The following NMNAT2 variants were observed in gnomAD, a reference collection of about 807,000 sequenced individuals.
NMNAT2 encodes the protein nicotinamide/nicotinic acid mononucleotide adenylyltransferase 2.
Under a neutral mutation model 41.6 loss-of-function variants are expected in NMNAT2, and 11 were observed. The ratio of observed to expected loss-of-function variants is 0.26; its 90% confidence interval spans 0.17 to 0.44. NMNAT2 has a LOEUF of 0.44. Among genes scored for constraint, NMNAT2 ranks in the 20% least tolerant of loss-of-function variants. The probability of loss-of-function intolerance (pLI) is 1.00; values close to 1 mark genes in which losing one functional copy is unlikely to be tolerated. For synonymous variants in NMNAT2, 148 were observed against 151.2 expected, an observed-to-expected ratio of 0.98 and a Z score of 0.16; for missense variants, 288 against 407.7, an observed-to-expected ratio of 0.71 and a Z score of 2.53.
chr1:183,326,540 A>G (rs1302751236), intron 1 of NMNAT2, among the ~76,000 whole-genome samples: 1 of 152,186 alleles, frequency 6.6e-6, no homozygotes, highest in African/African-American at 2.4e-5. Flanking sequence ...TGGAGACAGC[A>G]GCATGTGCAA....
At chr1:183,313,030 C>G (rs937654821) in intron 1 of NMNAT2, among the ~76,000 whole-genome samples, 3 of 152,176 alleles carry the variant, frequency 2.0e-5, no homozygotes, top group Non-Finnish European at 2.9e-5. Flanking sequence ...CCAGCTTTCA[C>G]TCGTGGAGCT....
At chr1:183,339,779 G>A (rs1662755047) in intron 1 of NMNAT2, among the ~76,000 whole-genome samples, 1 of 148,618 alleles carries the variant, frequency 6.7e-6, no homozygotes, top group Non-Finnish European at 1.5e-5. Flanking sequence ...ACTCCAAAAT[G>A]AAGCTCCTTT....
At chr1:183,386,567 C>T (rs7552360) in intron 1 of NMNAT2, among the ~76,000 whole-genome samples, 2,851 of 151,920 alleles carry the variant, frequency 0.019, 86 homozygotes, top group African/African-American at 0.066. Context: ...AGCAAGGGCT[C>T]GTCATTTTAT....
intron 1 of NMNAT2, among the ~76,000 whole-genome samples, chr1:183,364,077 A>G (rs1571620646): frequency 6.6e-6 from 1 of 152,170 alleles, no homozygotes; most frequent in Non-Finnish European, 1.5e-5. Context: ...AGTCTATTCT[A>G]TTAGGGAAGA....
Position 183,290,184 on chromosome 1 carries a change from G to T in NMNAT2, c.265C>A (p.Gln89Lys). The T allele has an allele frequency of 6.3e-7, 1 of 1,586,246 alleles. No homozygotes were observed. Among genetic ancestry groups the T allele is most frequent in the South Asian group, 1.2e-5 (1 of 86,838 alleles). ...CTGCAGGTCGTCTGCCAGGTGTCCT[G>T]GTAGCACTCCCAAGGGTCCACCCTA... ...WIRVDPWECY[Q>K]DTWQTTCSVL... Residue 89 changes from glutamine to lysine, a missense_variant, in exon 4 of 11, where the codon CAG becomes AAG. By Grantham distance (53) the Gln-to-Lys change is moderately conservative. Transcript: ENST00000287713.
chr1:183,384,402 G>A (rs1347036992), intron 1 of NMNAT2, among the ~76,000 whole-genome samples: 1 of 152,108 alleles, frequency 6.6e-6, no homozygotes, highest in Non-Finnish European at 1.5e-5. Context: ...GTTTCACCAT[G>A]TTGGCCATGC....
chr1:183,361,692 C>T (rs1663309942), intron 1 of NMNAT2, among the ~76,000 whole-genome samples: 1 of 152,168 alleles, frequency 6.6e-6, no homozygotes, highest in Non-Finnish European at 1.5e-5. Context: ...CTTTGAGATA[C>T]ACTAATATTA....
intron 1 of NMNAT2, among the ~76,000 whole-genome samples, chr1:183,360,655 C>T (rs1325159649): frequency 2.0e-5 from 3 of 152,136 alleles, no homozygotes; most frequent in African/African-American, 7.2e-5. Flanking sequence ...ACAGCAAATT[C>T]CCCATAATGG....
At chr1:183,359,591 C>A (rs184284564) in intron 1 of NMNAT2, among the ~76,000 whole-genome samples, 12 of 152,246 alleles carry the variant, frequency 7.9e-5, no homozygotes, top group Admixed American at 1.3e-4. Context: ...CTTGGGTAAA[C>A]CTTTGTCCAA....
At chr1:183,318,593 G>A (rs543253500) in intron 1 of NMNAT2, among the ~76,000 whole-genome samples, 1 of 152,312 alleles carries the variant, frequency 6.6e-6, no homozygotes, top group South Asian at 2.1e-4. Flanking sequence ...ACTGAGAAGG[G>A]AGGGTTTAGG....
chr1:183,375,544 C>A (rs1325589051), intron 1 of NMNAT2, among the ~76,000 whole-genome samples: 1 of 152,220 alleles, frequency 6.6e-6, no homozygotes, highest in African/African-American at 2.4e-5. Flanking sequence ...CAAGTCTCAA[C>A]TCACTTTCTC....
At chr1:183,318,513 T>C (rs1662298394) in intron 1 of NMNAT2, among the ~76,000 whole-genome samples, 1 of 152,194 alleles carries the variant, frequency 6.6e-6, no homozygotes, top group South Asian at 2.1e-4. Context: ...TCATTGTGTT[T>C]GCCTTGAGAA....
chr1:183,387,387 C>T (rs749878532), intron 1 of NMNAT2, among the ~76,000 whole-genome samples: 5 of 152,020 alleles, frequency 3.3e-5, no homozygotes, highest in African/African-American at 4.8e-5. Context: ...CAGAAAATTA[C>T]GGTAGTTTTG....
At chr1:183,313,891 T>G (rs1662184064) in intron 1 of NMNAT2, among the ~76,000 whole-genome samples, 1 of 152,230 alleles carries the variant, frequency 6.6e-6, no homozygotes, top group Non-Finnish European at 1.5e-5. Context: ...AGAAAGGTCT[T>G]GAAGCAGAAA....
intron 1 of NMNAT2, among the ~76,000 whole-genome samples, chr1:183,296,639 G>A (rs992389711): frequency 6.6e-6 from 1 of 151,820 alleles, no homozygotes; most frequent in Non-Finnish European, 1.5e-5. Context: ...CAGCCTCATA[G>A]GTAGCTGGGA....
intron 7 of NMNAT2, chr1:183,283,713 C>T: frequency 2.2e-6 from 1 of 458,404 alleles, no homozygotes; most frequent in Non-Finnish European, 4.0e-6. Flanking sequence ...TGCCAAAGCT[C>T]AACTTTCATG....
chr1:183,324,173 A>C (rs1662412226), intron 1 of NMNAT2, among the ~76,000 whole-genome samples: 2 of 152,194 alleles, frequency 1.3e-5, no homozygotes, highest in South Asian at 4.1e-4. Flanking sequence ...AATGCAGCAG[A>C]AGATCAACAT....
intron 1 of NMNAT2, among the ~76,000 whole-genome samples, chr1:183,375,180 A>G (rs1478719238): frequency 6.6e-6 from 1 of 152,158 alleles, no homozygotes; most frequent in East Asian, 1.9e-4. Context: ...ATATGATCTT[A>G]CCACCTCCCT....
intron 1 of NMNAT2, among the ~76,000 whole-genome samples, chr1:183,379,085 T>A (rs1557894318): frequency 2.0e-5 from 3 of 147,508 alleles, no homozygotes; most frequent in Non-Finnish European, 4.5e-5. Flanking sequence ...TCTATATCTA[T>A]ATCTATAATC....
Sources: allele counts gnomAD v4.1 joint callset (sites outside exome capture counted in the v4.1 genomes callset), GRCh38; gene constraint gnomAD v4.1.1; transcripts MANE v1.5; gene names NCBI Gene and HGNC (gene_info 2026-07-23, HGNC 2026-07-21).